SLX4IP: variants seen among roughly 807,000 people sequenced by gnomAD.
SLX4IP encodes protein SLX4IP.
In SLX4IP, 34 loss-of-function variants were observed where a neutral mutation model predicts 32.9. That is an observed-to-expected ratio of 1.03 (90% CI 0.79 to 1.38). The LOEUF (loss-of-function observed/expected upper bound fraction) is 1.38. Among genes scored for constraint, SLX4IP ranks in the 40% most tolerant of loss-of-function variants. The pLI is 0.00. For synonymous variants in SLX4IP, 172 were observed against 171.7 expected (o/e 1.00, Z -0.01); for missense variants, 444 against 479.0 (o/e 0.93, Z 0.68).
At chr20:10,480,812 C>G (rs1296172216) in intron 2 of SLX4IP, among the ~76,000 whole-genome samples, 1 of 152,158 alleles carries the variant, frequency 6.6e-6, no homozygotes, top group African/African-American at 2.4e-5. Flanking sequence ...TGCTTGAGAA[C>G]GTGTCCTCTT....
chr20:10,515,087 T>C (rs986799768), intron 2 of SLX4IP, among the ~76,000 whole-genome samples: 1 of 145,214 alleles, frequency 6.9e-6, no homozygotes, highest in Non-Finnish European at 1.5e-5. Context: ...AGCTTTTTTT[T>C]TTTTTTTTTT....
chr20:10,485,558 A>C lies in SLX4IP; in HGVS notation c.27+27327A>C, dbSNP rs77615024. On this transcript the variant is annotated intron_variant, in intron 2 of 7. Coordinates refer to ENST00000334534, the MANE Select transcript of SLX4IP (RefSeq NM_001009608.3). ...CTTGAACCCAGGAGGTGGAGTTTGCATTGAGCCCGAGATCGCACCACTACA... is the reference window on the plus strand; with the variant it reads ...CTTGAACCCAGGAGGTGGAGTTTGCCTTGAGCCCGAGATCGCACCACTACA... 2.6e-5 allele frequency among the ~76,000 whole-genome samples: 4 copies of C among 151,986 alleles called. No individual in the cohort carries two copies. In the East Asian group the frequency reaches 7.8e-4, roughly 30 times the overall value.
chr20:10,576,660 G>A (rs1175111508), intron 4 of SLX4IP, among the ~76,000 whole-genome samples: 1 of 152,180 alleles, frequency 6.6e-6, no homozygotes, highest in Non-Finnish European at 1.5e-5. Context: ...TTTAGGCCAA[G>A]ATTGAATTTC....
intron 5 of SLX4IP, among the ~76,000 whole-genome samples, chr20:10,601,353 T>C (rs1055110445): frequency 1.3e-5 from 2 of 152,220 alleles, no homozygotes; most frequent in Non-Finnish European, 2.9e-5. Context: ...TTTTATCTAA[T>C]ATTCTTCCTC....
chr20:10,569,777 C>A (rs1421319279), intron 4 of SLX4IP, among the ~76,000 whole-genome samples: 1 of 152,168 alleles, frequency 6.6e-6, no homozygotes, highest in Non-Finnish European at 1.5e-5. Context: ...CGATGGCCGT[C>A]CTCTCCCTTT....
At chr20:10,599,596 C>A (rs2066817414) in intron 5 of SLX4IP, among the ~76,000 whole-genome samples, 1 of 150,832 alleles carries the variant, frequency 6.6e-6, no homozygotes, top group African/African-American at 2.4e-5. Context: ...GAAGGGGTCT[C>A]ACTATGTTGC....
At chr20:10,462,028 G>A (rs1419706700) in intron 2 of SLX4IP, among the ~76,000 whole-genome samples, 2 of 152,106 alleles carry the variant, frequency 1.3e-5, no homozygotes, top group Admixed American at 1.3e-4. Flanking sequence ...AACAAGGTTA[G>A]GATGTTACGA....
chr20:10,595,277 A>G (rs966867422), intron 4 of SLX4IP, among the ~76,000 whole-genome samples: 1 of 152,184 alleles, frequency 6.6e-6, no homozygotes, highest in South Asian at 2.1e-4. Flanking sequence ...GTCTAAAGAC[A>G]GTCTTCTCAG....
intron 2 of SLX4IP, among the ~76,000 whole-genome samples, chr20:10,548,529 A>G (rs1333968628): frequency 6.6e-6 from 1 of 152,004 alleles, no homozygotes; most frequent in Non-Finnish European, 1.5e-5. Context: ...GTGAGCCACC[A>G]CACCCGGCCT....
At chr20:10,608,101 G>A (rs553371687) in intron 6 of SLX4IP, among the ~76,000 whole-genome samples, 2 of 152,314 alleles carry the variant, frequency 1.3e-5, no homozygotes, top group South Asian at 4.1e-4. Flanking sequence ...TGCCTGTGCA[G>A]AGGCCCGTGA....
chr20:10,572,119 G>A (rs2066473929), intron 4 of SLX4IP, among the ~76,000 whole-genome samples: 1 of 152,110 alleles, frequency 6.6e-6, no homozygotes, highest in Admixed American at 6.5e-5. Flanking sequence ...TTTCTAGCCA[G>A]GCTTCTTAGC....
At chr20:10,618,587 T>G (rs943391627) in intron 6 of SLX4IP, among the ~76,000 whole-genome samples, 2 of 152,236 alleles carry the variant, frequency 1.3e-5, no homozygotes, top group African/African-American at 4.8e-5. Flanking sequence ...TTTTAATACC[T>G]GAGTCTCCAT....
chr20:10,502,995 T>C (rs1034242572), intron 2 of SLX4IP, among the ~76,000 whole-genome samples: 2 of 152,208 alleles, frequency 1.3e-5, no homozygotes, highest in Admixed American at 1.3e-4. Flanking sequence ...TCTTTCTTGC[T>C]ATTTGACCTT....
chr20:10,534,311 T>G (rs2066017736), intron 2 of SLX4IP, among the ~76,000 whole-genome samples: 1 of 152,228 alleles, frequency 6.6e-6, no homozygotes, highest in Admixed American at 6.5e-5. Context: ...GAGCACCTTC[T>G]GTGGGCTAGG....
At chr20:10,493,850 T>TA (rs2122401240) in intron 2 of SLX4IP, among the ~76,000 whole-genome samples, 1 of 146,112 alleles carries the variant, frequency 6.8e-6, no homozygotes, top group African/African-American at 2.5e-5. Context: ...GTGTTTTTTT[T>TA]ATAGTTGCCT....
At chr20:10,503,319 G>T (rs2065734509) in intron 2 of SLX4IP, among the ~76,000 whole-genome samples, 1 of 152,186 alleles carries the variant, frequency 6.6e-6, no homozygotes, top group African/African-American at 2.4e-5. Flanking sequence ...TGACTGACTG[G>T]CAGAGTTTAG....
intron 3 of SLX4IP, among the ~76,000 whole-genome samples, chr20:10,557,823 G>A (rs2066283536): frequency 6.6e-6 from 1 of 152,184 alleles, no homozygotes; most frequent in South Asian, 2.1e-4. Flanking sequence ...AAAGCGTGAG[G>A]CTAGGTTTTT....
intron 2 of SLX4IP, among the ~76,000 whole-genome samples, chr20:10,520,123 T>C (rs561770648): frequency 2.0e-5 from 3 of 152,250 alleles, no homozygotes; most frequent in African/African-American, 7.2e-5. Flanking sequence ...GCATCTCAGC[T>C]CACTGCTACC....
At chr20:10,587,357 A>G (rs901549356) in intron 4 of SLX4IP, among the ~76,000 whole-genome samples, 4 of 152,190 alleles carry the variant, frequency 2.6e-5, no homozygotes, top group Admixed American at 2.0e-4. Context: ...AAAGTCTACA[A>G]CAAATGTTCT....
Sources: allele counts gnomAD v4.1 joint callset (sites outside exome capture counted in the v4.1 genomes callset), GRCh38; gene constraint gnomAD v4.1.1; transcripts MANE v1.5; gene names NCBI Gene and HGNC (gene_info 2026-07-23, HGNC 2026-07-21).